CTNND2: variants seen among roughly 807,000 people sequenced by gnomAD.
CTNND2 encodes the protein catenin delta-2.
CTNND2 carries 22 observed loss-of-function variants against 144.4 expected under a neutral mutation model. The observed-to-expected ratio is 0.15, with a 90% CI of 0.11 to 0.22. CTNND2 has a LOEUF of 0.22. Ranked by LOEUF, CTNND2 falls within the 10% of genes least tolerant of loss-of-function variation. The pLI is 1.00. For missense variants in CTNND2, 1,353 were observed against 1,618.8 expected (o/e 0.84, Z 2.82); for synonymous variants, 751 against 695.6 (o/e 1.08, Z -1.25).
chr5:11,382,238 G>C (rs1313151059), intron 7 of CTNND2, among the ~76,000 whole-genome samples: 1 of 152,178 alleles, frequency 6.6e-6, no homozygotes, highest in African/African-American at 2.4e-5. Flanking sequence ...CAAGGCCAAG[G>C]ATTTTGGCTG....
intron 1 of CTNND2, 66 bp from the exon 2 acceptor site, chr5:11,732,338 C>A: frequency 6.6e-7 from 1 of 1,506,984 alleles, no homozygotes; most frequent in Non-Finnish European, 9.1e-7. Context: ...AACTATCAGA[C>A]CACTTTGAAG....
chr5:11,002,314 G>T (rs994105878), intron 18 of CTNND2, among the ~76,000 whole-genome samples: 1 of 152,188 alleles, frequency 6.6e-6, no homozygotes, highest in African/African-American at 2.4e-5. Flanking sequence ...ATTTAGATGT[G>T]GTGGAATGAG....
At chr5:11,112,669 A>T (rs752310590) in intron 13 of CTNND2, among the ~76,000 whole-genome samples, 3 of 152,180 alleles carry the variant, frequency 2.0e-5, no homozygotes, top group Non-Finnish European at 4.4e-5. Context: ...TCAAATGTTC[A>T]TATCATTAAC....
chr5:11,822,350 A>G (rs930396967), intron 1 of CTNND2, among the ~76,000 whole-genome samples: 8 of 152,222 alleles, frequency 5.3e-5, no homozygotes, highest in Admixed American at 4.6e-4. Flanking sequence ...TTTTAGTGAC[A>G]TGGTAAAAAC....
intron 1 of CTNND2, among the ~76,000 whole-genome samples, chr5:11,838,813 C>T (rs910569479): frequency 2.6e-5 from 4 of 152,146 alleles, no homozygotes; most frequent in African/African-American, 9.7e-5. Flanking sequence ...AATTATTTGT[C>T]AGCATCTTTT....
intron 1 of CTNND2, among the ~76,000 whole-genome samples, chr5:11,879,369 ACACAC>A (rs1735853881): frequency 7.2e-6 from 1 of 138,196 alleles, no homozygotes; most frequent in African/African-American, 2.5e-5. Context: ...ATATACACAC[ACACAC>A]AAACATATAC....
chr5:11,384,851 C>T lies in CTNND2; in HGVS notation c.991G>A (p.Val331Met), dbSNP rs576705730. Residue 331 changes from valine (V) to methionine (M), a missense_variant, in exon 7 of 22, where the codon GTG becomes ATG. Coordinates refer to ENST00000304623, the MANE Select transcript of CTNND2 (RefSeq NM_001332.4). The surrounding 1 kb of genome is among the most constrained non-coding windows in gnomAD (Gnocchi z 5.2). ...VSSAGLSPIR[V>M]TSPPTVQSTI... ...GACTGCACGGTGGGGGGCGAGGTCA[C>T]GCGGATCGGGGACAGGCCGGCCGAG... 10 of 1,612,744 alleles carry T rather than the reference C, an allele frequency of 6.2e-6. No homozygotes were observed. In the South Asian group the frequency reaches 8.8e-5, roughly 14 times the overall value.
chr5:11,620,943 C>T (rs1038152890), intron 2 of CTNND2, among the ~76,000 whole-genome samples: 1 of 152,164 alleles, frequency 6.6e-6, no homozygotes, highest in Non-Finnish European at 1.5e-5. Context: ...GAACACATGA[C>T]TTATTAGCCA....
chr5:11,433,840 A>C (rs1404513704), intron 3 of CTNND2, among the ~76,000 whole-genome samples: 1 of 152,178 alleles, frequency 6.6e-6, no homozygotes, highest in Non-Finnish European at 1.5e-5. Flanking sequence ...TCCAAACTAT[A>C]TCAGTTGTAA....
intron 11 of CTNND2, among the ~76,000 whole-genome samples, chr5:11,192,381 C>T (rs1348521457): frequency 6.6e-6 from 1 of 152,124 alleles, no homozygotes; most frequent in Non-Finnish European, 1.5e-5. Context: ...TAATCATTCT[C>T]CAAAGGTGTC....
chr5:11,044,891 C>A (rs1193734819), intron 16 of CTNND2, among the ~76,000 whole-genome samples: 1 of 152,204 alleles, frequency 6.6e-6, no homozygotes, highest in Non-Finnish European at 1.5e-5. Flanking sequence ...CAGGGTAGTG[C>A]CCCCTTGGGC....
intron 2 of CTNND2, among the ~76,000 whole-genome samples, chr5:11,627,322 T>C (rs531164253): frequency 3.9e-5 from 6 of 152,312 alleles, no homozygotes; most frequent in Non-Finnish European, 7.3e-5. Context: ...ATAATCCAGG[T>C]GGAGTTACCA....
At chr5:11,670,609 A>C (rs1783830614) in intron 2 of CTNND2, among the ~76,000 whole-genome samples, 1 of 151,834 alleles carries the variant, frequency 6.6e-6, no homozygotes, top group African/African-American at 2.4e-5. Context: ...TTGTTTAGTA[A>C]ATCTTCCTCC....
intron 6 of CTNND2, 104 bp downstream of exon 6, chr5:11,396,927 C>CA: frequency 2.5e-6 from 3 of 1,208,816 alleles, no homozygotes; most frequent in Non-Finnish European, 3.5e-6. Context: ...GACACACCTA[C>CA]AAAAAAGGCA....
intron 1 of CTNND2, among the ~76,000 whole-genome samples, chr5:11,800,284 C>A (rs1361794168): frequency 1.3e-5 from 2 of 152,060 alleles, no homozygotes; most frequent in Non-Finnish European, 2.9e-5. Flanking sequence ...CTGAGAAGAA[C>A]TGAAAGCAAA....
intron 3 of CTNND2, among the ~76,000 whole-genome samples, chr5:11,527,181 C>A (rs553834984): frequency 6.6e-6 from 1 of 152,102 alleles, no homozygotes; most frequent in African/African-American, 2.4e-5. Context: ...TACTTAATAA[C>A]ACTGAATTTT....
intron 2 of CTNND2, among the ~76,000 whole-genome samples, chr5:11,690,174 C>T (rs76715334): frequency 0.021 from 3,204 of 152,132 alleles, 112 homozygotes; most frequent in African/African-American, 0.073. Context: ...AAAATCAGTG[C>T]CAGGAATGTG....
intron 9 of CTNND2, among the ~76,000 whole-genome samples, chr5:11,323,553 T>A (rs1227642103): frequency 1.3e-5 from 2 of 152,164 alleles, no homozygotes; most frequent in African/African-American, 4.8e-5. Flanking sequence ...TGTTTTTAGC[T>A]TAGGAAACAG....
intron 3 of CTNND2, among the ~76,000 whole-genome samples, chr5:11,561,166 G>C (rs532159751): frequency 6.6e-6 from 1 of 152,148 alleles, no homozygotes. Flanking sequence ...ACTACCAAGA[G>C]GGACTTGATT....
Sources: allele counts gnomAD v4.1 joint callset (sites outside exome capture counted in the v4.1 genomes callset), GRCh38; gene constraint gnomAD v4.1.1; non-coding constraint Gnocchi (gnomAD v3.1); transcripts MANE v1.5; gene names NCBI Gene and HGNC (gene_info 2026-07-23, HGNC 2026-07-21).